Variants in SPHKAP observed in about 807,000 individuals in gnomAD.
SPHKAP encodes the protein A-kinase anchor protein SPHKAP.
Under a neutral mutation model 137.5 loss-of-function variants are expected in SPHKAP, and 67 were observed. The ratio of observed to expected loss-of-function variants is 0.49; its 90% CI spans 0.40 to 0.60. The LOEUF (loss-of-function observed/expected upper bound fraction) is 0.60, where lower values mean the gene tolerates loss of function less well. Among genes scored for constraint, SPHKAP ranks in the 20% least tolerant of loss-of-function variants. The probability of loss-of-function intolerance (pLI) is 0.00; values close to 1 mark genes in which losing one functional copy is unlikely to be tolerated. For missense variants in SPHKAP, 2,097 were observed against 2,069.3 expected, an observed-to-expected ratio of 1.01 and a Z score of -0.26; for synonymous variants, 813 against 785.3, an observed-to-expected ratio of 1.04 and a Z score of -0.59.
At chr2:228,104,308 T>A (rs1698271551) in intron 3 of SPHKAP, among the ~76,000 whole-genome samples, 2 of 145,606 alleles carry the variant, frequency 1.4e-5, no homozygotes, top group South Asian at 2.1e-4. Flanking sequence ...TATATAATAA[T>A]ATTAATAATA....
Position 228,017,033 on chromosome 2 carries a change from A to G in SPHKAP, c.3821T>C (p.Val1274Ala). Residue 1274 changes from valine to alanine, a missense_variant, in exon 7 of 12, where the codon GTG (valine) becomes GCG (alanine). Transcript: ENST00000392056. ...TGAGGACGCGCTACTGACCGGCTGC[A>G]CGCTTAGGAAATCTTGTGGGCAGTT... ...AQNCPQDFLS[V>A]QPVSSASSSG... 1 of 1,614,076 alleles carries G rather than the reference A, an allele frequency of 6.2e-7. No individual in the cohort carries two copies. The highest frequency in any genetic ancestry group is 8.5e-7 in the Non-Finnish European group (1 of 1,180,000).
At chr2:228,046,770 T>C (rs1466435846) in intron 3 of SPHKAP, among the ~76,000 whole-genome samples, 1 of 152,142 alleles carries the variant, frequency 6.6e-6, no homozygotes, top group Non-Finnish European at 1.5e-5. Context: ...TTCCAGGAGG[T>C]AATTGAAGGA....
intron 3 of SPHKAP, among the ~76,000 whole-genome samples, chr2:228,049,013 G>A (rs1433004002): frequency 6.6e-6 from 1 of 152,168 alleles, no homozygotes; most frequent in African/African-American, 2.4e-5. Flanking sequence ...GGGAGTGTGG[G>A]ACGGTGCTTG....
At chr2:228,107,148 A>G (rs1698368269) in intron 3 of SPHKAP, among the ~76,000 whole-genome samples, 1 of 152,010 alleles carries the variant, frequency 6.6e-6, no homozygotes, top group Non-Finnish European at 1.5e-5. Flanking sequence ...GCTACTAGTT[A>G]TCGTCACCAT....
In SPHKAP at chr2:227,981,600, T is replaced by C. The variant is rs1232804335; in HGVS notation, c.*117A>G. 7.4e-7 allele frequency: 1 copy of C among 1,353,678 alleles called. No individual in the cohort carries two copies. The highest frequency in any genetic ancestry group is 2.5e-5 in the East Asian group (1 of 39,566). The allele number at this position is 1,353,678 out of a possible 1,614,324, so 83.9% of individuals were successfully genotyped here. A position where few individuals can be genotyped will look rare whatever the true frequency, so the allele number is the denominator to read the frequency against. ...AGTGGATCTGAGTAGCAGATTTTTT[T>C]TTATAGTTCTGCTAATGTGATGTGA... is the stretch of plus-strand genomic sequence containing the variant. On this transcript the variant is annotated 3_prime_UTR_variant, in exon 12 of 12. Coordinates refer to ENST00000392056, the MANE Select transcript of SPHKAP (RefSeq NM_001142644.2).
intron 7 of SPHKAP, among the ~76,000 whole-genome samples, chr2:228,014,285 T>C (rs1247955005): frequency 6.6e-6 from 1 of 152,192 alleles, no homozygotes; most frequent in Non-Finnish European, 1.5e-5. Flanking sequence ...CTGGATTCTC[T>C]AAGAAGGGTT....
intron 7 of SPHKAP, among the ~76,000 whole-genome samples, chr2:228,006,757 C>G (rs1179883413): frequency 6.6e-6 from 1 of 152,158 alleles, no homozygotes; most frequent in African/African-American, 2.4e-5. Flanking sequence ...TTCCTTTTAA[C>G]AGTCAGGACC....
At chr2:228,063,204 C>T (rs1247713335) in intron 3 of SPHKAP, among the ~76,000 whole-genome samples, 1 of 151,958 alleles carries the variant, frequency 6.6e-6, no homozygotes, top group Non-Finnish European at 1.5e-5. Flanking sequence ...GTCTATCTAT[C>T]TATCTATTTA....
intron 1 of SPHKAP, among the ~76,000 whole-genome samples, chr2:228,179,250 A>G (rs1008955602): frequency 6.6e-5 from 10 of 152,318 alleles, no homozygotes; most frequent in African/African-American, 2.4e-4. Context: ...TGGACATCAC[A>G]AGCCTTGACA....
In SPHKAP at chr2:228,019,375, C is replaced by T; in HGVS notation, c.1479G>A (p.Gln493=). Residue 493 remains glutamine (Q), a synonymous_variant, in exon 7 of 12, where the codon CAG becomes CAA. Transcript: ENST00000392056. ...AAGCTAACGCCACTTCTAGAGCACT[C>T]TGGGGTTGTCTGCTGGAGTTCTCTC... The part of the protein sequence containing the change: ...LSGENSSRQP[Q]SALEVALACA... 6.2e-7 allele frequency: 1 copy of T among 1,614,156 alleles called. No homozygotes were observed. The highest frequency in any genetic ancestry group is 8.5e-7 in the Non-Finnish European group (1 of 1,180,032).
At chr2:228,100,928 A>C (rs2106338763) in intron 3 of SPHKAP, among the ~76,000 whole-genome samples, 1 of 152,220 alleles carries the variant, frequency 6.6e-6, no homozygotes, top group South Asian at 2.1e-4. Flanking sequence ...TTTTGGCACC[A>C]GCTCTTCATT....
chr2:228,098,514 A>G (rs943934034), intron 3 of SPHKAP, among the ~76,000 whole-genome samples: 8 of 152,198 alleles, frequency 5.3e-5, no homozygotes, highest in Non-Finnish European at 1.0e-4. Flanking sequence ...TCACAAGGAC[A>G]AAAAACCAAA....
Position 227,981,612 on chromosome 2 carries a change from CTAATG to C in SPHKAP, c.*100_*104del. On this transcript the variant is annotated 3_prime_UTR_variant, in exon 12 of 12. Coordinates refer to ENST00000392056, the MANE Select transcript of SPHKAP (RefSeq NM_001142644.2). ...TAGCAGATTTTTTTTTATAGTTCTGCTAATGTGATGTGATGTTTTGAGAATGTTTA... is the reference window on the plus strand; with the variant it reads ...TAGCAGATTTTTTTTTATAGTTCTGCTGATGTGATGTTTTGAGAATGTTTA... 7.1e-7 allele frequency: 1 copy of C among 1,417,814 alleles called. No individual in the cohort carries two copies. The highest frequency in any genetic ancestry group is 9.5e-7 in the Non-Finnish European group (1 of 1,057,004). 87.8% of individuals were successfully genotyped at this position (1,417,814 alleles called of 1,614,324 possible).
chr2:228,070,517 A>G (rs1696973091), intron 3 of SPHKAP, among the ~76,000 whole-genome samples: 4 of 152,068 alleles, frequency 2.6e-5, no homozygotes, highest in African/African-American at 2.4e-5. Flanking sequence ...CGGTGCCTCT[A>G]TCCTAGAGGG....
At position 228,180,878 on chromosome 2, in the gene SPHKAP, C is replaced by T. The variant is rs555513640; in HGVS notation, c.32+689G>A. ...GGAGAAAGAAACACACCCCGAAAAA[C>T]ACGTTACTCGCACCCGGCAGCGCCT... On this transcript the variant is annotated intron_variant, in intron 1 of 11. Coordinates refer to ENST00000392056, the MANE Select transcript of SPHKAP (RefSeq NM_001142644.2). Among the ~76,000 whole-genome samples, 105 of 152,304 alleles carry T rather than the reference C, an allele frequency of 6.9e-4. 1 individual carries two copies. Among genetic ancestry groups the T allele is most frequent in the Admixed American group, 1.5e-3 (23 of 15,306 alleles).
At position 228,181,406 on chromosome 2, in the gene SPHKAP, G is replaced by C. The variant is rs1322508564; in HGVS notation, c.32+161C>G. Among the ~76,000 whole-genome samples, 1 of 152,144 alleles carries C rather than the reference G, an allele frequency of 6.6e-6. No homozygotes were observed. The highest frequency in any genetic ancestry group is 1.5e-5 in the Non-Finnish European group (1 of 68,024). ...GTTGACAGGGTCCCCTGTAGCTCCA[G>C]CGAGGCTGGGCCGGACTTATTTACA... On this transcript the variant is annotated intron_variant, in intron 1 of 11. Coordinates refer to ENST00000392056, the MANE Select transcript of SPHKAP (RefSeq NM_001142644.2). The surrounding 1 kb of genome is among the most constrained non-coding windows in gnomAD (Gnocchi z 4.3).
chr2:228,018,304 C>G lies in SPHKAP; in HGVS notation c.2550G>C (p.Glu850Asp), dbSNP rs780043607. ...CTTCGGAAGAGGCTCTGCATTCATT[C>G]TCACTGTGATGAGGGCTTTTTGTAT... is the stretch of plus-strand genomic sequence containing the variant. The part of the protein sequence containing the change: ...GEDTKSPHHS[E>D]NECRASSEGQ... Residue 850 changes from glutamate (E) to aspartate (D), a missense_variant, in exon 7 of 12, where the codon GAG becomes GAC. By Grantham distance (45) the Glu-to-Asp change is conservative. Transcript: ENST00000392056. The G allele has an allele frequency of 6.8e-6, 11 of 1,614,100 alleles. No individual in the cohort carries two copies. The East Asian group carries it at 2.2e-4, about 33-fold the overall frequency.
intron 2 of SPHKAP, among the ~76,000 whole-genome samples, chr2:228,123,189 C>T (rs1462667064): frequency 6.6e-6 from 1 of 152,158 alleles, no homozygotes; most frequent in East Asian, 1.9e-4. Context: ...ATTAGCTTTC[C>T]TTAAATGTCA....
At chr2:228,148,980 GT>G (rs1379109639) in intron 1 of SPHKAP, among the ~76,000 whole-genome samples, 1 of 152,164 alleles carries the variant, frequency 6.6e-6, no homozygotes. Flanking sequence ...GATAACATCT[GT>G]CTTGGGTAAT....
Sources: allele counts gnomAD v4.1 joint callset (sites outside exome capture counted in the v4.1 genomes callset), GRCh38; gene constraint gnomAD v4.1.1; non-coding constraint Gnocchi (gnomAD v3.1); transcripts MANE v1.5; gene names NCBI Gene and HGNC (gene_info 2026-07-23, HGNC 2026-07-21).